SUMF1: variants seen among roughly 807,000 people sequenced by gnomAD.
The protein encoded by SUMF1 is sulfatase modifying factor 1.
A neutral mutation model predicts 47.6 loss-of-function variants in SUMF1; 48 were observed. That is an observed-to-expected ratio of 1.01 (90% CI 0.80 to 1.28). The LOEUF (loss-of-function observed/expected upper bound fraction) is 1.28. SUMF1 is among the 50% of genes most tolerant of loss of function. The pLI is 0.00. For missense variants in SUMF1, 571 were observed against 485.4 expected, an observed-to-expected ratio of 1.18 and a Z score of -1.66; for synonymous variants, 230 against 192.1, an observed-to-expected ratio of 1.20 and a Z score of -1.63.
chr3:4,418,597 G>T (rs1320834144), intron 4 of SUMF1, among the ~76,000 whole-genome samples: 1 of 152,208 alleles, frequency 6.6e-6, no homozygotes, highest in African/African-American at 2.4e-5. Flanking sequence ...AGAGGCCCCT[G>T]TGTTGGGTGG....
intron 8 of SUMF1, among the ~76,000 whole-genome samples, chr3:4,162,081 A>G (rs1293895468): frequency 6.6e-6 from 1 of 152,044 alleles, no homozygotes; most frequent in Admixed American, 6.5e-5. Context: ...CTTCTGGTGC[A>G]GGGTGTACCT....
intron 8 of SUMF1, among the ~76,000 whole-genome samples, chr3:4,277,435 T>C (rs1008267974): frequency 4.6e-5 from 7 of 151,916 alleles, no homozygotes; most frequent in African/African-American, 1.5e-4. Context: ...CCCAGGACAG[T>C]ACAAGAAAAT....
intron 8 of SUMF1, among the ~76,000 whole-genome samples, chr3:4,273,799 C>G (rs1356265547): frequency 7.2e-4 from 10 of 13,830 alleles, no homozygotes; most frequent in African/African-American, 3.3e-3. Context: ...GAGGGGAGGG[C>G]ATGGGAGGGG....
At chr3:4,208,375 C>T (rs1274491169) in intron 8 of SUMF1, among the ~76,000 whole-genome samples, 4 of 151,504 alleles carry the variant, frequency 2.6e-5, no homozygotes, top group Admixed American at 6.6e-5. Context: ...TAAAACTTAC[C>T]GCTACTTTAC....
At chr3:4,055,171 G>T (rs754909208) in intron 9 of SUMF1, among the ~76,000 whole-genome samples, 3 of 152,060 alleles carry the variant, frequency 2.0e-5, no homozygotes, top group Non-Finnish European at 4.4e-5. Flanking sequence ...AAGAATAGTT[G>T]AAAAGTACTA....
intron 1 of SUMF1, among the ~76,000 whole-genome samples, chr3:4,460,467 G>A (rs1346651993): frequency 6.6e-6 from 1 of 151,638 alleles, no homozygotes; most frequent in African/African-American, 2.4e-5. Context: ...ACTCTCTCTT[G>A]CCCTGTCTTT....
intron 8 of SUMF1, among the ~76,000 whole-genome samples, chr3:4,121,032 T>C (rs1693529075): frequency 6.6e-6 from 1 of 152,118 alleles, no homozygotes; most frequent in Non-Finnish European, 1.5e-5. Flanking sequence ...AAGAACTTAC[T>C]TTACCGGATG....
At chr3:4,374,069 T>C (rs1336904529) in intron 8 of SUMF1, among the ~76,000 whole-genome samples, 4 of 152,180 alleles carry the variant, frequency 2.6e-5, no homozygotes, top group Non-Finnish European at 5.9e-5. Context: ...GAAAAAGCTA[T>C]TGCTAATACA....
chr3:4,209,506 G>T (rs1415809500), intron 8 of SUMF1, among the ~76,000 whole-genome samples: 1 of 151,960 alleles, frequency 6.6e-6, no homozygotes, highest in African/African-American at 2.4e-5. Flanking sequence ...TATAAGGAAA[G>T]TTTAAAATTA....
intron 8 of SUMF1, among the ~76,000 whole-genome samples, chr3:4,345,994 T>C (rs1019627987): frequency 1.3e-5 from 2 of 152,208 alleles, no homozygotes; most frequent in African/African-American, 4.8e-5. Flanking sequence ...TGAATGTATA[T>C]GCACCCAATA....
intron 8 of SUMF1, chr3:4,313,539 T>C: frequency 1.2e-6 from 2 of 1,614,044 alleles, no homozygotes; most frequent in South Asian, 1.1e-5. Context: ...CAGGAAGATA[T>C]CTTAATCTAA....
chr3:4,179,546 T>G (rs1157554019), intron 8 of SUMF1, among the ~76,000 whole-genome samples: 4 of 152,100 alleles, frequency 2.6e-5, no homozygotes, highest in Non-Finnish European at 5.9e-5. Context: ...CAAGATGGAT[T>G]AAAGACTTAA....
intron 8 of SUMF1, among the ~76,000 whole-genome samples, chr3:4,092,759 TAG>T (rs1269358667): frequency 6.6e-6 from 1 of 152,112 alleles, no homozygotes; most frequent in Non-Finnish European, 1.5e-5. Context: ...AATCCAAGTC[TAG>T]AGAGAGTCAA....
At chr3:4,143,735 A>C (rs1694126134) in intron 8 of SUMF1, among the ~76,000 whole-genome samples, 2 of 152,120 alleles carry the variant, frequency 1.3e-5, no homozygotes, top group Non-Finnish European at 2.9e-5. Flanking sequence ...TCCCAAGGTC[A>C]TAAAGCTAAG....
intron 7 of SUMF1, among the ~76,000 whole-genome samples, chr3:4,382,149 A>T (rs1489329650): frequency 2.0e-5 from 3 of 152,160 alleles, no homozygotes; most frequent in Admixed American, 6.5e-5. Flanking sequence ...GCTAATGAAG[A>T]TCCTCGTAAC....
intron 8 of SUMF1, among the ~76,000 whole-genome samples, chr3:4,290,129 C>T (rs1004729112): frequency 9.2e-5 from 14 of 152,122 alleles, no homozygotes; most frequent in African/African-American, 3.4e-4. Context: ...AAGACATACC[C>T]AATTTTTAAC....
intron 8 of SUMF1, among the ~76,000 whole-genome samples, chr3:4,200,506 G>A (rs1385721102): frequency 6.6e-6 from 1 of 151,938 alleles, no homozygotes; most frequent in Admixed American, 6.6e-5. Flanking sequence ...TTGAACTATG[G>A]GACTTGCACC....
chr3:4,442,645 A>AAAAAAAAAAAAAG (rs1702642458), intron 3 of SUMF1, among the ~76,000 whole-genome samples: 1 of 34,078 alleles, frequency 2.9e-5, no homozygotes, highest in Admixed American at 4.9e-4. Context: ...AAGGAAAAAA[A>AAAAAAAAAAAAAG]AAAAAAAGAG....
At chr3:4,263,277 A>C (rs769899644) in intron 8 of SUMF1, among the ~76,000 whole-genome samples, 45 of 152,176 alleles carry the variant, frequency 3.0e-4, no homozygotes, top group Non-Finnish European at 5.0e-4. Flanking sequence ...GACAAATGGC[A>C]TCATGAACTG....
Sources: gnomAD v4.1 joint callset for allele counts (sites outside exome capture counted in the v4.1 genomes callset) on GRCh38, gnomAD v4.1.1 for gene constraint, MANE v1.5 for transcripts, NCBI Gene and HGNC (gene_info 2026-07-23, HGNC 2026-07-21) for gene names.